The following MYO1D variants were observed in gnomAD, a reference collection of about 807,000 sequenced individuals.
MYO1D encodes the protein unconventional myosin-Id.
Under a neutral mutation model 122.0 loss-of-function variants are expected in MYO1D, and 83 were observed. The ratio of observed to expected loss-of-function variants is 0.68; its 90% CI spans 0.57 to 0.82. The LOEUF is 0.82. Ranked by LOEUF, MYO1D falls within the 40% of genes least tolerant of loss-of-function variation. The probability of loss-of-function intolerance (pLI) is 0.00; values close to 1 mark genes in which losing one functional copy is unlikely to be tolerated. For synonymous variants in MYO1D, 464 were observed against 446.9 expected (o/e 1.04, Z -0.48); for missense variants, 1,157 against 1,269.5 (o/e 0.91, Z 1.35).
chr17:32,662,776 T>C (rs2088584701), intron 16 of MYO1D, among the ~76,000 whole-genome samples: 2 of 152,184 alleles, frequency 1.3e-5, no homozygotes, highest in African/African-American at 4.8e-5. Flanking sequence ...CTTGTAGTGT[T>C]ATGAGGATTA....
chr17:32,594,893 C>T (rs2087476426), intron 21 of MYO1D, among the ~76,000 whole-genome samples: 1 of 152,176 alleles, frequency 6.6e-6, no homozygotes, highest in Admixed American at 6.6e-5. Context: ...CATCCTGCTT[C>T]CTTGTCAGCT....
chr17:32,497,984 C>T (rs545577344), intron 21 of MYO1D: 3 of 152,488 alleles, frequency 2.0e-5, no homozygotes, highest in African/African-American at 7.2e-5. Flanking sequence ...GTTGGCAATT[C>T]TGGCTTTCCG....
At chr17:32,813,425 G>C (rs1482386815) in intron 1 of MYO1D, among the ~76,000 whole-genome samples, 1 of 152,206 alleles carries the variant, frequency 6.6e-6, no homozygotes, top group Non-Finnish European at 1.5e-5. Flanking sequence ...GACCGAGAAG[G>C]TGATCCCAGA....
At chr17:32,840,903 C>A (rs949382575) in intron 1 of MYO1D, among the ~76,000 whole-genome samples, 1 of 152,132 alleles carries the variant, frequency 6.6e-6, no homozygotes, top group African/African-American at 2.4e-5. Flanking sequence ...AAAAGTGATA[C>A]ACATTCAGTA....
At chr17:32,733,250 G>A (rs567965883) in intron 14 of MYO1D, among the ~76,000 whole-genome samples, 56 of 152,316 alleles carry the variant, frequency 3.7e-4, no homozygotes, top group African/African-American at 1.3e-3. Context: ...GGTTTCTGGC[G>A]AGAAAAGTCA....
intron 20 of MYO1D, among the ~76,000 whole-genome samples, chr17:32,634,450 C>T (rs2088069362): frequency 6.6e-6 from 1 of 152,204 alleles, no homozygotes; most frequent in African/African-American, 2.4e-5. Context: ...TGGGAGATGG[C>T]TGGTGTGCCC....
At chr17:32,719,351 CTTTTTTTTT>C (rs371411083) in intron 15 of MYO1D, among the ~76,000 whole-genome samples, 1 of 137,176 alleles carries the variant, frequency 7.3e-6, no homozygotes, top group South Asian at 2.3e-4. Context: ...TCTCCTTGCC[CTTTTTTTTT>C]TTTTTTTGAG....
intron 20 of MYO1D, among the ~76,000 whole-genome samples, chr17:32,637,055 G>A (rs970396056): frequency 1.3e-5 from 2 of 152,178 alleles, no homozygotes; most frequent in African/African-American, 2.4e-5. Context: ...TGATAATGAT[G>A]AAGATAAAGG....
intron 21 of MYO1D, among the ~76,000 whole-genome samples, chr17:32,526,664 A>AT (rs1304442690): frequency 3.5e-5 from 5 of 141,654 alleles, no homozygotes; most frequent in African/African-American, 1.3e-4. Flanking sequence ...TATAGTTATT[A>AT]TTTTTTGAGA....
At chr17:32,621,157 G>A (rs2087851267) in intron 20 of MYO1D, among the ~76,000 whole-genome samples, 1 of 152,072 alleles carries the variant, frequency 6.6e-6, no homozygotes, top group South Asian at 2.1e-4. Flanking sequence ...GTCACATGCG[G>A]TCAGATGTGG....
At position 32,767,650 on chromosome 17, in the gene MYO1D, C is replaced by G; in HGVS notation, c.817G>C (p.Ala273Pro). The G allele has an allele frequency of 1.2e-6, 2 of 1,609,346 alleles. No individual in the cohort carries two copies. Among genetic ancestry groups the G allele is most frequent in the Non-Finnish European group, 1.7e-6 (2 of 1,176,312 alleles). ...TCCCTACTCACCAAGTGCAGAATAG[C>G]AGCCAAAATCTTATACACTGTTTGG... ...EIQTVYKILA[A>P]ILHLGNLKFV... The change falls in exon 7 of 22, where the codon GCT becomes CCT. Residue 273 changes from alanine (A) to proline (P), a missense_variant. Transcript: ENST00000318217.
intron 21 of MYO1D, among the ~76,000 whole-genome samples, chr17:32,602,390 A>G (rs1021688545): frequency 6.6e-6 from 1 of 152,342 alleles, no homozygotes; most frequent in Admixed American, 6.5e-5. Flanking sequence ...AGAAATATAC[A>G]TGAGCTTTGT....
intron 16 of MYO1D, among the ~76,000 whole-genome samples, chr17:32,702,714 A>C (rs2089263210): frequency 6.6e-6 from 1 of 152,240 alleles, no homozygotes; most frequent in Admixed American, 6.5e-5. Flanking sequence ...CTGAATATTT[A>C]TAGCAAGTAT....
intron 21 of MYO1D, among the ~76,000 whole-genome samples, chr17:32,544,610 A>C (rs965156604): frequency 2.0e-5 from 3 of 152,232 alleles, no homozygotes; most frequent in Non-Finnish European, 4.4e-5. Context: ...CATTGTTAGA[A>C]AGACAAGGAT....
Position 32,780,661 on chromosome 17 carries a change from C to T in MYO1D, c.219G>A (p.Glu73=), listed in dbSNP as rs1341241712. 3 of 1,614,036 alleles carry T rather than the reference C, an allele frequency of 1.9e-6. No individual in the cohort carries two copies. In the Admixed American group the frequency reaches 5.0e-5, roughly 27 times the overall value. Residue 73 remains glutamate (E), a synonymous_variant, in exon 2 of 22, where the codon GAG becomes GAA. Transcript: ENST00000318217. ...CAATAGCAAAAAGGTGAGGCGGTCT[C>T]TCATACAGCTCACGGCCTTTATACT... is the stretch of plus-strand genomic sequence containing the variant. ...IEQYKGRELY[E]RPPHLFAIAD...
rs139735385 is a variant in MYO1D at position 32,734,141 on chromosome 17, T to C, written c.1746+4112A>G. On this transcript the variant is annotated intron_variant, in intron 14 of 21. Coordinates refer to ENST00000318217, the MANE Select transcript of MYO1D (RefSeq NM_015194.3). ...TAAAACCATCTAGATCTGATGTCCTTGGCAACGTTGGGAAAAGGTGGATTT... is the reference window on the plus strand; with the variant it reads ...TAAAACCATCTAGATCTGATGTCCTCGGCAACGTTGGGAAAAGGTGGATTT... Among the ~76,000 whole-genome samples the C allele has an allele frequency of 1.6e-3, 251 of 152,354 alleles. 1 individual carries two copies. Among genetic ancestry groups the C allele is most frequent in the African/African-American group, 5.8e-3 (240 of 41,584 alleles).
At chr17:32,579,888 T>C (rs1464439490) in intron 21 of MYO1D, among the ~76,000 whole-genome samples, 2 of 152,248 alleles carry the variant, frequency 1.3e-5, no homozygotes, top group Non-Finnish European at 2.9e-5. Flanking sequence ...CATCTTCCAA[T>C]GCTAATGGAC....
chr17:32,720,533 T>A (rs543776400), intron 15 of MYO1D, among the ~76,000 whole-genome samples: 1 of 152,278 alleles, frequency 6.6e-6, no homozygotes, highest in African/African-American at 2.4e-5. Context: ...TCCTTAATAT[T>A]TTATTATTAT....
intron 1 of MYO1D, among the ~76,000 whole-genome samples, chr17:32,862,093 C>G (rs1175879691): frequency 6.6e-6 from 1 of 152,120 alleles, no homozygotes; most frequent in Non-Finnish European, 1.5e-5. Context: ...CCGCTCCCCA[C>G]CTCTCCCCCA....
Sources: allele counts gnomAD v4.1 joint callset (sites outside exome capture counted in the v4.1 genomes callset), GRCh38; gene constraint gnomAD v4.1.1; transcripts MANE v1.5; gene names NCBI Gene and HGNC (gene_info 2026-07-23, HGNC 2026-07-21).